The following NMD3 variants were observed in gnomAD, a reference collection of about 807,000 sequenced individuals.
The protein encoded by NMD3 is NMD3 ribosome export adaptor.
A neutral mutation model predicts 73.1 loss-of-function variants in NMD3; 47 were observed. That is an observed-to-expected ratio of 0.64 (90% CI 0.51 to 0.82). NMD3 has a LOEUF of 0.82. NMD3 is among the 40% of genes least tolerant of loss of function. NMD3 has a pLI of 0.00. For synonymous variants in NMD3, 210 were observed against 194.5 expected, an observed-to-expected ratio of 1.08 and a Z score of -0.66; for missense variants, 554 against 612.5, an observed-to-expected ratio of 0.90 and a Z score of 1.01.
chr3:161,249,667 A>T, intron 14 of NMD3, 107 bp downstream of exon 14: 1 of 739,138 alleles, frequency 1.4e-6, no homozygotes, highest in Non-Finnish European at 2.4e-6. Context: ...CCTTGCACTC[A>T]ATTATAATCT....
chr3:161,246,933 G>GTT (rs148001688), intron 12 of NMD3, among the ~76,000 whole-genome samples: 12,812 of 149,652 alleles, frequency 0.086, 734 homozygotes, highest in East Asian at 0.25. Context: ...AGAATGAGGT[G>GTT]TTTTTTTTTT....
Position 161,242,627 on chromosome 3 carries a change from G to T in NMD3, c.991G>T (p.Ala331Ser), listed in dbSNP as rs374319003. The change falls in exon 11 of 16, where the codon GCA (alanine) becomes TCA (serine). Residue 331 changes from alanine (A) to serine (S), a missense_variant. Ala to Ser is a moderately conservative substitution (Grantham distance 99, BLOSUM62 1). Transcript: ENST00000351193. ...CSIVQDIKRA[A>S]GAGMISKKHT... is the part of the protein sequence containing the mutation. ...CATAGTCCAAGATATAAAACGTGCT[G>T]CAGGTGCTGGAATGATATCAAAAAA... 2.8e-5 allele frequency: 45 copies of T among 1,612,878 alleles called. No homozygotes were observed. Among genetic ancestry groups the T allele is most frequent in the Non-Finnish European group, 3.7e-5 (44 of 1,179,402 alleles).
At chr3:161,249,203 G>GAA (rs1737375009) in intron 13 of NMD3, among the ~76,000 whole-genome samples, 1 of 152,172 alleles carries the variant, frequency 6.6e-6, no homozygotes, top group South Asian at 2.1e-4. Context: ...AAGAAAAACA[G>GAA]TATTCAGTCA....
intron 11 of NMD3, among the ~76,000 whole-genome samples, chr3:161,244,766 G>C (rs1447115469): frequency 6.6e-6 from 1 of 151,384 alleles, no homozygotes; most frequent in Non-Finnish European, 1.5e-5. Context: ...ACCTCAGCAT[G>C]CTGCCACACC....
chr3:161,231,767 C>T (rs1172193829), intron 4 of NMD3, among the ~76,000 whole-genome samples: 1 of 151,926 alleles, frequency 6.6e-6, no homozygotes. Context: ...ATCAGGAGAT[C>T]TAGAAGGTGA....
rs1737490764 is a variant in NMD3 at position 161,251,656 on chromosome 3, C to T, written c.*746C>T. 2 of 152,176 alleles carry T rather than the reference C, an allele frequency of 1.3e-5. No homozygotes were observed. The highest frequency in any genetic ancestry group is 4.8e-5 in the African/African-American group (2 of 41,444). 9.4% of individuals were successfully genotyped at this position (152,176 alleles called of 1,614,324 possible). A position where few individuals can be genotyped will look rare whatever the true frequency, so the allele number is the denominator to read the frequency against. ...TTTTGTCATAAATATCTTCCTACCA[C>T]ATCAAAAATGCTGCTTTTAAAATTT... On this transcript the variant is annotated 3_prime_UTR_variant, in exon 16 of 16. Coordinates refer to ENST00000351193, the MANE Select transcript of NMD3 (RefSeq NM_015938.5).
intron 7 of NMD3, among the ~76,000 whole-genome samples, chr3:161,237,473 A>G (rs1230418445): frequency 6.7e-6 from 1 of 149,890 alleles, no homozygotes; most frequent in Non-Finnish European, 1.5e-5. Context: ...TTTGTTTTCT[A>G]TCTCTCAGAT....
rs1211145199 is a variant in NMD3, at chr3:161,221,985, TTTTA to T, written c.-20-8_-20-5del. On this transcript the variant is annotated splice_region_variant and splice_polypyrimidine_tract_variant and intron_variant, in intron 1 of 15. Coordinates refer to ENST00000351193, the MANE Select transcript of NMD3 (RefSeq NM_015938.5). ...TTTTTTTTTTTTTTTTTTTTTTTTT[TTTTA>T]AAAGAACTTAAGGCATACAGAACGA... is the stretch of plus-strand genomic sequence containing the variant. 2.3e-5 allele frequency: 31 copies of T among 1,325,814 alleles called. No individual in the cohort carries two copies. The highest frequency in any genetic ancestry group is 2.9e-5 in the Non-Finnish European group (28 of 981,588). 82.1% of individuals were successfully genotyped at this position (1,325,814 alleles called of 1,614,324 possible). A position where few individuals can be genotyped will look rare whatever the true frequency, so the allele number is the denominator to read the frequency against.
chr3:161,230,250 C>A (rs1736481732), intron 4 of NMD3, among the ~76,000 whole-genome samples: 1 of 152,108 alleles, frequency 6.6e-6, no homozygotes, highest in Non-Finnish European at 1.5e-5. Flanking sequence ...AAACATGCAC[C>A]ACCACACCTG....
intron 7 of NMD3, among the ~76,000 whole-genome samples, chr3:161,237,745 G>T (rs187044529): frequency 6.6e-6 from 1 of 151,906 alleles, no homozygotes; most frequent in Non-Finnish European, 1.5e-5. Context: ...CACCAGAATG[G>T]TCTTGATCTC....
At chr3:161,222,084 C>T (rs780141087) in intron 2 of NMD3, 27 bp downstream of exon 2, 4 of 1,599,582 alleles carry the variant, frequency 2.5e-6, no homozygotes, top group Non-Finnish European at 3.4e-6. Flanking sequence ...TTCCTTCCCC[C>T]TTAAATGTGA....
At position 161,224,945 on chromosome 3, in the gene NMD3, T is replaced by C. The variant is rs1296282788; in HGVS notation, c.60T>C (p.Cys20=). The part of the protein sequence containing the change: ...RSPGHILCCE[C]GVPISPNPAN... ...TTTATTAAAGCTTGTGCTGTGAGTG[T>C]GGTGTTCCGATAAGTCCAAATCCTG... Residue 20 remains cysteine, a synonymous_variant, in exon 3 of 16, where the codon TGT becomes TGC. Coordinates refer to ENST00000351193, the MANE Select transcript of NMD3 (RefSeq NM_015938.5). 12 of 1,612,442 alleles carry C rather than the reference T, an allele frequency of 7.4e-6. No homozygotes were observed. Among genetic ancestry groups the C allele is most frequent in the Non-Finnish European group, 9.3e-6 (11 of 1,179,436 alleles).
intron 15 of NMD3, 51 bp downstream of exon 15, chr3:161,250,377 TC>T: frequency 1.9e-6 from 2 of 1,050,108 alleles, no homozygotes. Context: ...TAAGTATAGT[TC>T]CTAGTATGAA....
intron 5 of NMD3, among the ~76,000 whole-genome samples, chr3:161,233,907 A>G (rs1269830868): frequency 6.6e-6 from 1 of 152,164 alleles, no homozygotes; most frequent in Non-Finnish European, 1.5e-5. Context: ...TTTGCATTAT[A>G]CTTAACTGGT....
chr3:161,224,547 A>G (rs1736232112), intron 2 of NMD3, among the ~76,000 whole-genome samples: 1 of 152,026 alleles, frequency 6.6e-6, no homozygotes, highest in African/African-American at 2.4e-5. Flanking sequence ...GCTGGAGTGC[A>G]GTGGCGTGAT....
At chr3:161,229,981 A>G (rs1736470202) in intron 4 of NMD3, among the ~76,000 whole-genome samples, 1 of 152,260 alleles carries the variant, frequency 6.6e-6, no homozygotes, top group South Asian at 2.1e-4. Context: ...TGTCATTTAA[A>G]TAGAAATTAA....
At position 161,222,055 on chromosome 3, in the gene NMD3, C is replaced by T; in HGVS notation, c.42C>T (p.His14=). 1.3e-6 allele frequency: 2 copies of T among 1,583,998 alleles called. No individual in the cohort carries two copies. The highest frequency in any genetic ancestry group is 1.1e-5 in the South Asian group (1 of 90,574). Residue 14 remains histidine (H), a splice_region_variant and synonymous_variant, in exon 2 of 16, where the codon CAC becomes CAT. Coordinates refer to ENST00000351193, the MANE Select transcript of NMD3 (RefSeq NM_015938.5). ...AATCCACCGACCGCAGCCCTGGACA[C>T]ATGTGAGTGCGACACTTCTTCCTTC... is the stretch of plus-strand genomic sequence containing the variant. ...MAESTDRSPG[H]ILCCECGVPI...
chr3:161,241,926 A>G (rs567421631), intron 10 of NMD3, among the ~76,000 whole-genome samples: 1 of 152,096 alleles, frequency 6.6e-6, no homozygotes, highest in Admixed American at 6.5e-5. Context: ...ATTATTTTTT[A>G]AGGAAGACCA....
Position 161,238,107 on chromosome 3 carries a change from TTTA to T in NMD3, c.578-5_578-3del. ...ATTTTCATAGGGCTTTTTTTTTTTT[TTTA>T]AGATGGTCTGGATTTTTATTATTCC... is the stretch of plus-strand genomic sequence containing the variant. On this transcript the variant is annotated splice_region_variant and splice_polypyrimidine_tract_variant and intron_variant, in intron 7 of 15. Transcript: ENST00000351193. 1 of 1,569,988 alleles carries T rather than the reference TTTA, an allele frequency of 6.4e-7. No homozygotes were observed. The highest frequency in any genetic ancestry group is 8.6e-7 in the Non-Finnish European group (1 of 1,158,372).
Sources: allele counts gnomAD v4.1 joint callset (sites outside exome capture counted in the v4.1 genomes callset), GRCh38; gene constraint gnomAD v4.1.1; transcripts MANE v1.5; gene names NCBI Gene and HGNC (gene_info 2026-07-23, HGNC 2026-07-21).